NTM: variants seen among roughly 807,000 people sequenced by gnomAD.
NTM encodes IgLON family member 2.
Under a neutral mutation model 42.1 loss-of-function variants are expected in NTM, and 13 were observed. The observed-to-expected ratio is 0.31, with a 90% CI of 0.20 to 0.49. The LOEUF (loss-of-function observed/expected upper bound fraction) is 0.49. Ranked by LOEUF, NTM falls within the 20% of genes least tolerant of loss-of-function variation. The probability of loss-of-function intolerance (pLI) is 0.99; values close to 1 mark genes in which losing one functional copy is unlikely to be tolerated. For synonymous variants in NTM, 187 were observed against 179.2 expected (o/e 1.04, Z -0.35); for missense variants, 373 against 452.8 (o/e 0.82, Z 1.60).
In NTM at chr11:131,507,287, T is replaced by G. The variant is rs113972875; in HGVS notation, c.82+136399T>G. On this transcript the variant is annotated intron_variant, in intron 1 of 8. Transcript: ENST00000683400. ...GCTTTCTACATATGGCTAGCCAGTT[T>G]TCCCAGCACCATTTATTAAATAGGG... Among the ~76,000 whole-genome samples, 550 of 152,154 alleles carry G rather than the reference T, an allele frequency of 3.6e-3. 1 individual carries two copies. The highest frequency in any genetic ancestry group is 0.013 in the South Asian group (62 of 4,810).
At chr11:132,130,575 G>C (rs1470654947) in intron 2 of NTM, among the ~76,000 whole-genome samples, 2 of 152,182 alleles carry the variant, frequency 1.3e-5, no homozygotes, top group African/African-American at 4.8e-5. Context: ...AGGAAGTGAA[G>C]GCATGTTTGC....
intron 1 of NTM, among the ~76,000 whole-genome samples, chr11:131,633,931 C>T (rs990363110): frequency 6.6e-6 from 1 of 151,996 alleles, no homozygotes; most frequent in African/African-American, 2.4e-5. Flanking sequence ...TTCTGTTTCT[C>T]ATGGTATATT....
chr11:131,817,806 C>G (rs1034399181), intron 1 of NTM, among the ~76,000 whole-genome samples: 4 of 152,218 alleles, frequency 2.6e-5, no homozygotes, highest in Admixed American at 2.6e-4. Flanking sequence ...CCAGCCCTTG[C>G]GGGCACTGAC....
At chr11:131,951,351 T>C (rs902033100) in intron 2 of NTM, among the ~76,000 whole-genome samples, 1 of 152,186 alleles carries the variant, frequency 6.6e-6, no homozygotes, top group African/African-American at 2.4e-5. Flanking sequence ...TTCCATCCTC[T>C]ACAGCCAAAT....
chr11:132,173,515 G>T (rs2076375598), intron 3 of NTM, among the ~76,000 whole-genome samples: 1 of 152,154 alleles, frequency 6.6e-6, no homozygotes, highest in Non-Finnish European at 1.5e-5. Context: ...TACTAATACT[G>T]CCAGATGTGT....
chr11:132,326,951 A>G (rs1162685698), intron 7 of NTM, among the ~76,000 whole-genome samples: 1 of 152,236 alleles, frequency 6.6e-6, no homozygotes, highest in African/African-American at 2.4e-5. Flanking sequence ...CTTTAAGAGA[A>G]GTTCAAAGCT....
chr11:132,123,884 T>C (rs1377222081), intron 2 of NTM, among the ~76,000 whole-genome samples: 1 of 152,126 alleles, frequency 6.6e-6, no homozygotes, highest in Non-Finnish European at 1.5e-5. Flanking sequence ...CCCATCCCAC[T>C]TTCTCAGGAC....
At chr11:132,105,046 T>C (rs1193326674) in intron 2 of NTM, among the ~76,000 whole-genome samples, 1 of 145,406 alleles carries the variant, frequency 6.9e-6, no homozygotes, top group Non-Finnish European at 1.5e-5. Context: ...AGGAAGCCCA[T>C]CTCTGATGAG....
intron 1 of NTM, among the ~76,000 whole-genome samples, chr11:131,550,267 A>G (rs907727208): frequency 6.6e-6 from 1 of 152,168 alleles, no homozygotes; most frequent in Non-Finnish European, 1.5e-5. Context: ...CCAACATAGC[A>G]AGACCCCACC....
rs184979927 is a variant in NTM, at chr11:132,019,405, G to A, written c.167+107757G>A. 3.3e-3 allele frequency among the ~76,000 whole-genome samples: 499 copies of A among 151,666 alleles called. 3 individuals are homozygous for A. Among genetic ancestry groups the A allele is most frequent in the African/African-American group, 0.011 (472 of 41,374 alleles). On this transcript the variant is annotated intron_variant, in intron 2 of 8. Transcript: ENST00000683400. ...TGGTTCTGTTGTTTCTTGACAGTGG[G>A]GTATTGAAATCTCCAACTTTAAATG...
chr11:132,335,031 G>T lies in NTM; in HGVS notation c.968-15G>T. The T allele has an allele frequency of 6.2e-7, 1 of 1,610,702 alleles. No individual in the cohort carries two copies. The highest frequency in any genetic ancestry group is 8.5e-7 in the Non-Finnish European group (1 of 1,179,450). On this transcript the variant is annotated splice_polypyrimidine_tract_variant and intron_variant, in intron 8 of 8. Coordinates refer to ENST00000683400, the MANE Select transcript of NTM (RefSeq NM_001352005.2). ...TTCTCCCAGACCACTCACGGCGAGT[G>T]TGTTCTCTCCACAGGTCCAGGCGCC...
chr11:131,974,424 A>G (rs533607400), intron 2 of NTM, among the ~76,000 whole-genome samples: 5 of 152,238 alleles, frequency 3.3e-5, no homozygotes, highest in Admixed American at 6.5e-5. Context: ...TATTTGTCCT[A>G]TAGACAATTT....
intron 3 of NTM, among the ~76,000 whole-genome samples, chr11:132,195,778 T>G (rs2080110949): frequency 6.6e-6 from 1 of 152,216 alleles, no homozygotes; most frequent in South Asian, 2.1e-4. Context: ...ACTGGCCCCT[T>G]TCTTTTACCA....
At chr11:131,505,265 C>T (rs56251725) in intron 1 of NTM, among the ~76,000 whole-genome samples, 14,994 of 152,186 alleles carry the variant, frequency 0.099, 954 homozygotes, top group African/African-American at 0.18. Context: ...AACTATCAAA[C>T]AAGTAATGCT....
chr11:131,793,547 A>G (rs2091207859), intron 1 of NTM, among the ~76,000 whole-genome samples: 1 of 152,216 alleles, frequency 6.6e-6, no homozygotes, highest in Non-Finnish European at 1.5e-5. Flanking sequence ...ACAATTTCTC[A>G]AAGCCATAGC....
intron 2 of NTM, among the ~76,000 whole-genome samples, chr11:132,008,105 G>T (rs2071225436): frequency 6.6e-6 from 1 of 152,126 alleles, no homozygotes; most frequent in Admixed American, 6.6e-5. Context: ...AGGCAAGAGG[G>T]GGCACAGTGT....
intron 1 of NTM, among the ~76,000 whole-genome samples, chr11:131,564,977 T>C (rs1220430743): frequency 6.6e-6 from 1 of 152,216 alleles, no homozygotes; most frequent in Non-Finnish European, 1.5e-5. Flanking sequence ...GTGTTTCTAG[T>C]ACCTGTCACC....
At chr11:131,723,505 G>T (rs1475966651) in intron 1 of NTM, among the ~76,000 whole-genome samples, 3 of 152,190 alleles carry the variant, frequency 2.0e-5, no homozygotes, top group African/African-American at 4.8e-5. Context: ...TCACTCCTTT[G>T]TCCTTCCCTC....
chr11:131,567,155 T>A (rs1361074218), intron 1 of NTM, among the ~76,000 whole-genome samples: 5 of 151,764 alleles, frequency 3.3e-5, no homozygotes, highest in Non-Finnish European at 7.4e-5. Context: ...TGTGGGGGAC[T>A]GGGGAAGAGA....
Sources: gnomAD v4.1 joint callset for allele counts (sites outside exome capture counted in the v4.1 genomes callset) on GRCh38, gnomAD v4.1.1 for gene constraint, MANE v1.5 for transcripts, NCBI Gene and HGNC (gene_info 2026-07-23, HGNC 2026-07-21) for gene names.